Variants in LRGUK observed in about 807,000 individuals in gnomAD.
LRGUK encodes the protein leucine rich repeats and guanylate kinase domain containing.
LRGUK carries 65 observed loss-of-function variants against 76.0 expected under a neutral mutation model. The ratio of observed to expected loss-of-function variants is 0.85; its 90% CI spans 0.70 to 1.05. The LOEUF is 1.05. LRGUK is among the 50% of genes least tolerant of loss of function. LRGUK has a pLI of 0.00. For synonymous variants in LRGUK, 268 were observed against 265.6 expected, an observed-to-expected ratio of 1.01 and a Z score of -0.09; for missense variants, 758 against 732.8, an observed-to-expected ratio of 1.03 and a Z score of -0.40.
chr7:134,165,259 A>G (rs571950287), intron 7 of LRGUK, among the ~76,000 whole-genome samples: 1 of 152,308 alleles, frequency 6.6e-6, no homozygotes, highest in African/African-American at 2.4e-5. Flanking sequence ...TAACCCTATT[A>G]TTATTGTCAT....
intron 15 of LRGUK, among the ~76,000 whole-genome samples, chr7:134,215,996 C>G (rs745805906): frequency 4.6e-5 from 7 of 152,142 alleles, no homozygotes; most frequent in Non-Finnish European, 8.8e-5. Context: ...CTTAGAAATT[C>G]ATTATTGCAA....
intron 8 of LRGUK, among the ~76,000 whole-genome samples, chr7:134,176,083 A>T (rs1049453864): frequency 6.6e-6 from 1 of 152,132 alleles, no homozygotes; most frequent in African/African-American, 2.4e-5. Context: ...TTTAGAAATG[A>T]GGATAATCTG....
In LRGUK at chr7:134,163,543, A is replaced by G. The variant is rs763174663; in HGVS notation, c.939+3A>G. ...TGATCAACCTGGAGGATAATAAGGT[A>G]GTGTTGCACTTCACATGTCTTGGTT... On this transcript the variant is annotated splice_donor_region_variant and intron_variant, in intron 7 of 15. Coordinates refer to ENST00000645682, the Ensembl canonical transcript of LRGUK. The G allele has an allele frequency of 6.9e-6, 11 of 1,605,634 alleles. No homozygotes were observed. In the Admixed American group the frequency reaches 1.3e-4, roughly 20 times the overall value.
the LRGUK span, among the ~76,000 whole-genome samples, chr7:134,276,587 A>C: frequency 6.6e-6 from 1 of 152,196 alleles, no homozygotes; most frequent in Admixed American, 6.5e-5. Flanking sequence ...GCATCTTGGA[A>C]GAGAATTAAT....
Position 134,165,805 on chromosome 7 carries a change from C to G in LRGUK, c.939+2265C>G, listed in dbSNP as rs76650095. 5.9e-3 allele frequency among the ~76,000 whole-genome samples: 905 copies of G among 152,228 alleles called. 8 individuals are homozygous for G. The highest frequency in any genetic ancestry group is 0.02 in the African/African-American group (837 of 41,532). On this transcript the variant is annotated intron_variant, in intron 7 of 15. Coordinates refer to ENST00000645682, the Ensembl canonical transcript of LRGUK. ...TGGGACAGCACAGATCTAGAAATAC[C>G]TCATAAATAGTATGTTGTTCTCTTC... is the stretch of plus-strand genomic sequence containing the variant.
chr7:134,153,839 T>C (rs1043798684), intron 5 of LRGUK, among the ~76,000 whole-genome samples: 2 of 152,202 alleles, frequency 1.3e-5, no homozygotes, highest in Admixed American at 1.3e-4. Context: ...AAAGCCATCA[T>C]TGCAGCTCTC....
Position 134,134,946 on chromosome 7 carries a change from AAAG to A in LRGUK, c.298-2073_298-2071del, listed in dbSNP as rs1342636476. ...TTTTTTTTCTTTCTCCAAAATATTA[AAAG>A]AAGGTGTTGGGAAGGAATGACTTTC... On this transcript the variant is annotated intron_variant, in intron 1 of 15. Transcript: ENST00000645682. Among the ~76,000 whole-genome samples the A allele has an allele frequency of 2.0e-5, 3 of 152,174 alleles. No individual in the cohort carries two copies. In the East Asian group the frequency reaches 5.8e-4, roughly 29 times the overall value.
intron 4 of LRGUK, among the ~76,000 whole-genome samples, chr7:134,144,015 C>T (rs1203615393): frequency 6.6e-6 from 1 of 152,204 alleles, no homozygotes; most frequent in Non-Finnish European, 1.5e-5. Flanking sequence ...GTTTTCAGAC[C>T]TACTGATACC....
exon 16 of LRGUK, chr7:134,209,447 C>T (rs1801151619): frequency 5.0e-6 from 2 of 399,094 alleles, no homozygotes; most frequent in Non-Finnish European, 8.8e-6. Context: ...TATCCCTCAC[C>T]CAGAACTGCC....
At chr7:134,136,633 A>G (rs898357505) in intron 1 of LRGUK, among the ~76,000 whole-genome samples, 2 of 152,152 alleles carry the variant, frequency 1.3e-5, no homozygotes, top group Non-Finnish European at 2.9e-5. Flanking sequence ...TGGAGATAAG[A>G]GTAACTATCT....
intron 10 of LRGUK, among the ~76,000 whole-genome samples, chr7:134,179,250 C>T (rs1799635990): frequency 6.6e-6 from 1 of 152,184 alleles, no homozygotes; most frequent in African/African-American, 2.4e-5. Flanking sequence ...GACAGATTTA[C>T]CATGCTTTCT....
intron 7 of LRGUK, among the ~76,000 whole-genome samples, chr7:134,164,196 T>C (rs1490512668): frequency 6.6e-6 from 1 of 152,208 alleles, no homozygotes; most frequent in Non-Finnish European, 1.5e-5. Context: ...TTGATGAATT[T>C]CAAGTCATGA....
chr7:134,139,504 G>A (rs137997509), exon 3 of LRGUK: 87 of 1,599,214 alleles, frequency 5.4e-5, no homozygotes, highest in African/African-American at 4.8e-4. Context: ...ATCTTTCAGC[G>A]AATAAAATTG....
chr7:134,197,930 T>A (rs1477544399), intron 13 of LRGUK, among the ~76,000 whole-genome samples: 1 of 152,212 alleles, frequency 6.6e-6, no homozygotes. Flanking sequence ...AAAGCAATTA[T>A]AAAACTAATT....
intron 15 of LRGUK, among the ~76,000 whole-genome samples, chr7:134,206,257 C>G (rs899474190): frequency 6.6e-6 from 1 of 152,176 alleles, no homozygotes; most frequent in African/African-American, 2.4e-5. Flanking sequence ...TGGCTTACGC[C>G]TGTAATCCCA....
intron 17 of LRGUK, 104 bp downstream of exon 17, chr7:134,247,748 T>G: frequency 1.3e-6 from 1 of 779,960 alleles, no homozygotes; most frequent in Non-Finnish European, 2.1e-6. Context: ...TGTCCTAAAA[T>G]GGACCCAGTG....
At chr7:134,195,066 A>C (rs193299629) in intron 12 of LRGUK, among the ~76,000 whole-genome samples, 2 of 152,208 alleles carry the variant, frequency 1.3e-5, no homozygotes, top group East Asian at 3.9e-4. Flanking sequence ...GAAATCACAG[A>C]GAGTCAAGCT....
At chr7:134,158,284 T>C (rs1798570665) in intron 6 of LRGUK, 125 bp downstream of exon 6, 1 of 830,222 alleles carries the variant, frequency 1.2e-6, no homozygotes, top group East Asian at 2.8e-5. Context: ...TGTTATTGTC[T>C]TCAGTTTTGT....
intron 16 of LRGUK, among the ~76,000 whole-genome samples, chr7:134,242,887 G>A (rs900743273): frequency 1.3e-5 from 2 of 152,186 alleles, no homozygotes; most frequent in Admixed American, 1.3e-4. Flanking sequence ...TGGGATGAAA[G>A]GCTGGTTCAA....
Sources: allele counts gnomAD v4.1 joint callset (sites outside exome capture counted in the v4.1 genomes callset), GRCh38; gene constraint gnomAD v4.1.1; transcripts MANE v1.5; gene names NCBI Gene and HGNC (gene_info 2026-07-23, HGNC 2026-07-21).